The following CHCHD6 variants were observed in gnomAD, a reference collection of about 807,000 sequenced individuals.
CHCHD6 encodes the protein MICOS complex subunit MIC25.
CHCHD6 carries 28 observed loss-of-function variants against 32.3 expected under a neutral mutation model. The ratio of observed to expected loss-of-function variants is 0.87; its 90% confidence interval spans 0.64 to 1.19. The LOEUF is 1.19. CHCHD6 is among the 50% of genes most tolerant of loss of function. The pLI is 0.00. For missense variants in CHCHD6, 333 were observed against 307.0 expected (o/e 1.08, Z -0.63); for synonymous variants, 122 against 117.5 (o/e 1.04, Z -0.25).
intron 4 of CHCHD6, among the ~76,000 whole-genome samples, chr3:126,768,818 T>C (rs533808255): frequency 2.6e-5 from 4 of 152,332 alleles, no homozygotes; most frequent in African/African-American, 9.6e-5. Flanking sequence ...TAATGGTTAG[T>C]GATGTTGAGC....
At chr3:126,893,542 G>A (rs941472091) in intron 5 of CHCHD6, among the ~76,000 whole-genome samples, 2 of 152,304 alleles carry the variant, frequency 1.3e-5, no homozygotes, top group African/African-American at 2.4e-5. Flanking sequence ...CCATTAATCC[G>A]AAGAGTCCTA....
intron 4 of CHCHD6, among the ~76,000 whole-genome samples, chr3:126,834,586 G>A (rs1479196043): frequency 1.3e-5 from 2 of 152,164 alleles, no homozygotes; most frequent in Non-Finnish European, 2.9e-5. Flanking sequence ...TACTGCTGTT[G>A]CTGTGGTCTC....
chr3:126,773,602 C>CTTTTTTTTTTTT (rs769256372), intron 4 of CHCHD6, among the ~76,000 whole-genome samples: 1 of 89,948 alleles, frequency 1.1e-5, no homozygotes, highest in Non-Finnish European at 2.1e-5. Flanking sequence ...TTCTGCTTTT[C>CTTTTTTTTTTTT]TTTTTTTTTT....
intron 5 of CHCHD6, among the ~76,000 whole-genome samples, chr3:126,876,224 T>C (rs1422718120): frequency 1.3e-5 from 2 of 152,220 alleles, no homozygotes; most frequent in Non-Finnish European, 2.9e-5. Flanking sequence ...TCTAATCACA[T>C]ATTCAGGGAC....
At chr3:126,888,962 C>T (rs1053209145) in intron 5 of CHCHD6, among the ~76,000 whole-genome samples, 2 of 152,168 alleles carry the variant, frequency 1.3e-5, no homozygotes, top group African/African-American at 4.8e-5. Context: ...GCAGGCCTTC[C>T]GGTTGTCTCT....
At chr3:126,724,389 T>C (rs1935442002) in intron 1 of CHCHD6, among the ~76,000 whole-genome samples, 1 of 152,232 alleles carries the variant, frequency 6.6e-6, no homozygotes, top group Admixed American at 6.5e-5. Context: ...TTACACTATA[T>C]TGTAGTCTCA....
chr3:126,861,392 A>G (rs1941857757), intron 5 of CHCHD6, among the ~76,000 whole-genome samples: 2 of 151,960 alleles, frequency 1.3e-5, no homozygotes, highest in African/African-American at 2.4e-5. Context: ...TCATCTATAT[A>G]AAGTTTCTAC....
intron 4 of CHCHD6, among the ~76,000 whole-genome samples, chr3:126,844,452 T>C (rs1342156999): frequency 6.6e-6 from 1 of 152,244 alleles, no homozygotes; most frequent in Non-Finnish European, 1.5e-5. Flanking sequence ...TTTATGATTA[T>C]GAACTGCCCC....
chr3:126,810,395 A>C (rs551397845), intron 4 of CHCHD6, among the ~76,000 whole-genome samples: 1 of 152,350 alleles, frequency 6.6e-6, no homozygotes, highest in South Asian at 2.1e-4. Flanking sequence ...CATGGAGGCA[A>C]ATACTTGAAG....
At chr3:126,813,718 C>G (rs1202427173) in intron 4 of CHCHD6, among the ~76,000 whole-genome samples, 1 of 152,260 alleles carries the variant, frequency 6.6e-6, no homozygotes, top group Admixed American at 6.5e-5. Flanking sequence ...CCTGGACACA[C>G]TGAATCCAGG....
At position 126,941,301 on chromosome 3, in the gene CHCHD6, A is replaced by G. The variant is rs565472118; in HGVS notation, c.567-16115A>G. Among the ~76,000 whole-genome samples the G allele has an allele frequency of 8.5e-5, 13 of 152,320 alleles. No individual in the cohort carries two copies. In the East Asian group the frequency reaches 1.5e-3, roughly 18 times the overall value. On this transcript the variant is annotated intron_variant, in intron 6 of 7. Transcript: ENST00000290913. ...TAGCACTGATATAAAATTTCACCTAATCATATGCTAAATTCCTTCTTACAC... is the reference window on the plus strand; with the variant it reads ...TAGCACTGATATAAAATTTCACCTAGTCATATGCTAAATTCCTTCTTACAC...
chr3:126,938,716 A>G (rs2078517509), intron 6 of CHCHD6, among the ~76,000 whole-genome samples: 1 of 151,962 alleles, frequency 6.6e-6, no homozygotes, highest in African/African-American at 2.4e-5. Context: ...GGGTAATCAC[A>G]GTGATTCATA....
At chr3:126,746,108 T>A (rs190817156) in intron 4 of CHCHD6, among the ~76,000 whole-genome samples, 2 of 152,278 alleles carry the variant, frequency 1.3e-5, no homozygotes, top group East Asian at 1.9e-4. Flanking sequence ...TAGAGGTATG[T>A]GGCAAAGCCT....
intron 4 of CHCHD6, among the ~76,000 whole-genome samples, chr3:126,756,023 G>A (rs571424177): frequency 7.2e-5 from 11 of 152,270 alleles, no homozygotes; most frequent in East Asian, 3.9e-4. Flanking sequence ...GTCCAGGGCC[G>A]TGCAGTGGGT....
At chr3:126,716,764 TG>T (rs1388314144) in intron 1 of CHCHD6, among the ~76,000 whole-genome samples, 1 of 148,970 alleles carries the variant, frequency 6.7e-6, no homozygotes, top group Non-Finnish European at 1.5e-5. Context: ...TCATAAGTGC[TG>T]CAAAGAAAGC....
At chr3:126,827,645 C>T (rs951051821) in intron 4 of CHCHD6, among the ~76,000 whole-genome samples, 2 of 152,188 alleles carry the variant, frequency 1.3e-5, no homozygotes, top group African/African-American at 2.4e-5. Flanking sequence ...TGAGATGCCA[C>T]TGTCATCTGG....
At chr3:126,748,823 C>T (rs530354859) in intron 4 of CHCHD6, among the ~76,000 whole-genome samples, 1 of 152,242 alleles carries the variant, frequency 6.6e-6, no homozygotes, top group East Asian at 1.9e-4. Flanking sequence ...GCAGCCCGGG[C>T]TGGGCTGGCC....
At chr3:126,769,311 A>G (rs1006639906) in intron 4 of CHCHD6, among the ~76,000 whole-genome samples, 35 of 152,092 alleles carry the variant, frequency 2.3e-4, no homozygotes, top group African/African-American at 8.2e-4. Flanking sequence ...TTTGTCAAAG[A>G]TTAGATGATT....
At chr3:126,743,834 G>A (rs1441591103) in intron 4 of CHCHD6, among the ~76,000 whole-genome samples, 1 of 152,312 alleles carries the variant, frequency 6.6e-6, no homozygotes, top group Middle Eastern at 3.4e-3. Flanking sequence ...GAGAGTTTTG[G>A]GGTTTCTTGT....
Sources: allele counts gnomAD v4.1 joint callset (sites outside exome capture counted in the v4.1 genomes callset), GRCh38; gene constraint gnomAD v4.1.1; transcripts MANE v1.5; gene names NCBI Gene and HGNC (gene_info 2026-07-23, HGNC 2026-07-21).